The following CTNNA3 variants were observed in gnomAD, a reference collection of about 807,000 sequenced individuals.
CTNNA3 encodes catenin alpha-3.
CTNNA3 carries 76 observed loss-of-function variants against 95.7 expected under a neutral mutation model. The observed-to-expected ratio is 0.79, with a 90% CI of 0.66 to 0.96. CTNNA3 has a LOEUF of 0.96. Among genes scored for constraint, CTNNA3 ranks in the 40% least tolerant of loss-of-function variants. CTNNA3 has a pLI of 0.00. For synonymous variants in CTNNA3, 431 were observed against 374.4 expected, an observed-to-expected ratio of 1.15 and a Z score of -1.74; for missense variants, 1,191 against 1,089.8, an observed-to-expected ratio of 1.09 and a Z score of -1.31.
intron 3 of CTNNA3, among the ~76,000 whole-genome samples, chr10:67,605,769 C>T (rs967053191): frequency 1.3e-5 from 2 of 150,358 alleles, no homozygotes; most frequent in Non-Finnish European, 3.0e-5. Context: ...ACCTCTGCCT[C>T]CCAGGTTCAA....
chr10:66,024,085 A>ATTTTTTTTTTTTTTTTTTTTTTTTTTTT lies in CTNNA3; in HGVS notation c.2160-35289_2160-35288insAAAAAAAAAAAAAAAAAAAAAAAAAAAA, dbSNP rs71474007. On this transcript the variant is annotated intron_variant, in intron 15 of 17. Coordinates refer to ENST00000433211, the MANE Select transcript of CTNNA3 (RefSeq NM_013266.4). The stretch of plus-strand genomic sequence containing the variant: ...TATCACAGAAACTTATACCATACAC[A>ATTTTTTTTTTTTTTTTTTTTTTTTTTTT]TTTTTTTTTTTTTTTTTTTTTTGAG... 6.8e-5 allele frequency among the ~76,000 whole-genome samples: 6 copies of ATTTTTTTTTTTTTTTTTTTTTTTTTTTT among 87,746 alleles called. 1 individual carries two copies. Among genetic ancestry groups the ATTTTTTTTTTTTTTTTTTTTTTTTTTTT allele is most frequent in the African/African-American group, 1.3e-4 (3 of 23,110 alleles). The allele number at this position is 87,746 out of a possible 152,430, so 57.6% of individuals were successfully genotyped here.
chr10:66,937,626 T>C (rs1300202690), intron 7 of CTNNA3, among the ~76,000 whole-genome samples: 1 of 152,154 alleles, frequency 6.6e-6, no homozygotes, highest in Non-Finnish European at 1.5e-5. Context: ...GTGATGGTAG[T>C]ACATAAAACC....
chr10:66,739,707 G>T (rs1438961088), intron 9 of CTNNA3, among the ~76,000 whole-genome samples: 1 of 152,078 alleles, frequency 6.6e-6, no homozygotes, highest in African/African-American at 2.4e-5. Flanking sequence ...TAACGTACTG[G>T]CCATTATATC....
At chr10:66,768,261 C>T (rs1589233228) in intron 8 of CTNNA3, among the ~76,000 whole-genome samples, 1 of 150,762 alleles carries the variant, frequency 6.6e-6, no homozygotes, top group African/African-American at 2.4e-5. Context: ...CTAATTGAGA[C>T]ATGTAGAAGG....
chr10:66,140,152 G>C (rs2083542597), intron 13 of CTNNA3, among the ~76,000 whole-genome samples: 1 of 152,178 alleles, frequency 6.6e-6, no homozygotes, highest in African/African-American at 2.4e-5. Context: ...ATAACATGAA[G>C]AGAGCTTAGA....
At chr10:65,986,865 C>T (rs1157133441) in intron 16 of CTNNA3, among the ~76,000 whole-genome samples, 1 of 149,136 alleles carries the variant, frequency 6.7e-6, no homozygotes, top group African/African-American at 2.5e-5. Flanking sequence ...AAAAAAAAAC[C>T]ACATAGACCA....
At chr10:67,564,218 C>A (rs1841659231) in intron 3 of CTNNA3, among the ~76,000 whole-genome samples, 1 of 149,478 alleles carries the variant, frequency 6.7e-6, no homozygotes, top group African/African-American at 2.5e-5. Flanking sequence ...GCACTATTCA[C>A]AATAGCAAAG....
intron 2 of CTNNA3, among the ~76,000 whole-genome samples, chr10:67,619,249 G>A (rs1843750928): frequency 6.6e-6 from 1 of 152,072 alleles, no homozygotes; most frequent in African/African-American, 2.4e-5. Context: ...AAACAGCATG[G>A]CACTGGCATA....
intron 12 of CTNNA3, among the ~76,000 whole-genome samples, chr10:66,358,254 T>C (rs1268411115): frequency 2.0e-5 from 3 of 152,200 alleles, no homozygotes; most frequent in Non-Finnish European, 2.9e-5. Flanking sequence ...ATCTGTCCTC[T>C]GGCCTGAGAA....
At chr10:66,009,753 T>C (rs1236220933) in intron 15 of CTNNA3, among the ~76,000 whole-genome samples, 1 of 152,200 alleles carries the variant, frequency 6.6e-6, no homozygotes, top group Non-Finnish European at 1.5e-5. Flanking sequence ...TGTATATAGA[T>C]ATCTTAGTTC....
chr10:67,126,398 G>A (rs1195432542), intron 7 of CTNNA3, among the ~76,000 whole-genome samples: 3 of 152,070 alleles, frequency 2.0e-5, no homozygotes, highest in Non-Finnish European at 4.4e-5. Context: ...GTGGCGGCGC[G>A]TGCCTGTAAT....
chr10:67,061,923 A>G (rs909093711), intron 7 of CTNNA3, among the ~76,000 whole-genome samples: 2 of 148,350 alleles, frequency 1.3e-5, no homozygotes, highest in Non-Finnish European at 3.0e-5. Flanking sequence ...AAAGTATTAG[A>G]AAATTTATAA....
intron 9 of CTNNA3, 119 bp downstream of exon 9, chr10:66,766,145 C>A: frequency 4.2e-6 from 4 of 947,632 alleles, no homozygotes; most frequent in Non-Finnish European, 6.4e-6. Context: ...TTTGGCCAGA[C>A]TCTGCTGTAT....
chr10:67,490,401 A>C (rs1848603072), intron 5 of CTNNA3, among the ~76,000 whole-genome samples: 1 of 152,220 alleles, frequency 6.6e-6, no homozygotes, highest in East Asian at 1.9e-4. Context: ...TACTCCAAAA[A>C]TAAAAATAAA....
chr10:67,464,769 T>C lies in CTNNA3; in HGVS notation c.579+57073A>G, dbSNP rs1589317962. On this transcript the variant is annotated intron_variant, in intron 5 of 17. Coordinates refer to ENST00000433211, the MANE Select transcript of CTNNA3 (RefSeq NM_013266.4). ...CAAGAAAGAACCCAGGGAATGATTATTCAGGATGTATAAAATTCTGGACTT... is the reference window on the plus strand; with the variant it reads ...CAAGAAAGAACCCAGGGAATGATTACTCAGGATGTATAAAATTCTGGACTT... 2.0e-5 allele frequency among the ~76,000 whole-genome samples: 3 copies of C among 152,218 alleles called. No homozygotes were observed. The South Asian group carries it at 6.2e-4, about 32-fold the overall frequency.
At chr10:67,287,800 T>C (rs1429484641) in intron 5 of CTNNA3, among the ~76,000 whole-genome samples, 1 of 152,216 alleles carries the variant, frequency 6.6e-6, no homozygotes, top group Non-Finnish European at 1.5e-5. Flanking sequence ...CATGTAGTTA[T>C]AATCACTCTA....
intron 9 of CTNNA3, among the ~76,000 whole-genome samples, chr10:66,628,086 G>T (rs921087570): frequency 1.3e-5 from 2 of 152,038 alleles, no homozygotes; most frequent in African/African-American, 4.8e-5. Context: ...TGAGCTGCTT[G>T]AGGGTAAAGA....
At chr10:66,277,324 G>C (rs1043322512) in intron 13 of CTNNA3, among the ~76,000 whole-genome samples, 2 of 152,038 alleles carry the variant, frequency 1.3e-5, no homozygotes, top group Admixed American at 6.6e-5. Context: ...ATGGGATTCT[G>C]ATACACTTAC....
In CTNNA3 at chr10:66,748,814, T is replaced by C. The variant is rs144355644; in HGVS notation, c.1281+17450A>G. Among the ~76,000 whole-genome samples, 245 of 151,976 alleles carry C rather than the reference T, an allele frequency of 1.6e-3. 1 individual carries two copies. The highest frequency in any genetic ancestry group is 5.6e-3 in the African/African-American group (231 of 41,442). ...CTGTCTATATCCTGCACCACAGCGG[T>C]GCATTTGTTACAATCGATGAACACT... is the stretch of plus-strand genomic sequence containing the variant. On this transcript the variant is annotated intron_variant, in intron 9 of 17. Transcript: ENST00000433211.
Sources: gnomAD v4.1 joint callset for allele counts (sites outside exome capture counted in the v4.1 genomes callset) on GRCh38, gnomAD v4.1.1 for gene constraint, MANE v1.5 for transcripts, NCBI Gene and HGNC (gene_info 2026-07-23, HGNC 2026-07-21) for gene names.